STAG3: variants seen among roughly 807,000 people sequenced by gnomAD.
STAG3 encodes the protein STAG3 cohesin complex component, also known as cohesin subunit SA-3.
Under a neutral mutation model 160.7 loss-of-function variants are expected in STAG3, and 101 were observed. The observed-to-expected ratio is 0.63, with a 90% CI of 0.54 to 0.74. The LOEUF is 0.74. Ranked by LOEUF, STAG3 falls within the 30% of genes least tolerant of loss-of-function variation. The pLI, the probability that STAG3 is intolerant of heterozygous loss-of-function variation, is 0.00. For synonymous variants in STAG3, 519 were observed against 585.0 expected, an observed-to-expected ratio of 0.89 and a Z score of 1.63; for missense variants, 1,188 against 1,517.4, an observed-to-expected ratio of 0.78 and a Z score of 3.61.
chr7:100,193,945 T>TC (rs1800509559), intron 8 of STAG3, among the ~76,000 whole-genome samples: 1 of 150,200 alleles, frequency 6.7e-6, no homozygotes, highest in Non-Finnish European at 1.5e-5. Context: ...ATTTCTTTTT[T>TC]TTTTTTTTTT....
chr7:100,201,084 T>C lies in STAG3; in HGVS notation c.2062-6T>C. 6.2e-7 allele frequency: 1 copy of C among 1,614,168 alleles called. No homozygotes were observed. The highest frequency in any genetic ancestry group is 8.5e-7 in the Non-Finnish European group (1 of 1,180,032). ...AATGCTATTGTGGATCTTCTTTCCT[T>C]CTCAGTCGTCCTTCCTAGATGAGGA... On this transcript the variant is annotated splice_region_variant and splice_polypyrimidine_tract_variant and intron_variant, in intron 19 of 33. Transcript: ENST00000615138.
rs1186987289 is a variant in STAG3, at chr7:100,213,550, CAAG to C, written c.3601-181_3601-179del. 3.0e-6 allele frequency: 3 copies of C among 985,272 alleles called. No individual in the cohort carries two copies. The African/African-American group carries it at 5.2e-5, about 17-fold the overall frequency. 61.0% of individuals were successfully genotyped at this position (985,272 alleles called of 1,614,324 possible). ...CATTTAAGGGGCTCAGTCAGCAGGC[CAAG>C]AAGCGCTCTGCAGTCAGGCCTGATC... On this transcript the variant is annotated intron_variant, in intron 32 of 33. Transcript: ENST00000615138.
intron 14 of STAG3, 137 bp from the exon 15 acceptor site, chr7:100,199,125 A>C: frequency 1.2e-6 from 1 of 859,866 alleles, no homozygotes; most frequent in Non-Finnish European, 1.9e-6. Flanking sequence ...CCCTGTCTCT[A>C]TCGAAAAAAA....
Position 100,198,889 on chromosome 7 carries a change from C to G in STAG3, c.1399C>G (p.Gln467Glu). Residue 467 changes from glutamine (Q) to glutamate (E), a missense_variant, in exon 14 of 34, where the codon CAA becomes GAA. Physicochemically the swap from Gln to Glu is conservative, Grantham distance 29. Transcript: ENST00000615138. ...CEIRMMGGRE[Q>E]RQSPGAQRTF... ...GATAAGAATGATGGGTGGAAGAGAGCAACGCCAGAGCCCAGGCGCCCAGAG... is the reference window on the plus strand; with the variant it reads ...GATAAGAATGATGGGTGGAAGAGAGGAACGCCAGAGCCCAGGCGCCCAGAG... 6.2e-7 allele frequency: 1 copy of G among 1,612,238 alleles called. No homozygotes were observed. Among genetic ancestry groups the G allele is most frequent in the Non-Finnish European group, 8.5e-7 (1 of 1,180,022 alleles).
chr7:100,198,908 C>T lies in STAG3; in HGVS notation c.1418C>T (p.Ala473Val). The change falls in exon 14 of 34, where the codon GCC becomes GTC. Residue 473 changes from alanine (A) to valine (V), a missense_variant. Physicochemically the swap from Ala to Val is moderately conservative, Grantham distance 64. Coordinates refer to ENST00000615138, the MANE Select transcript of STAG3 (RefSeq NM_001282717.2). The stretch of plus-strand genomic sequence containing the variant: ...AGAGAGCAACGCCAGAGCCCAGGCG[C>T]CCAGAGGACTTTCTTCCAGCTTCTG... ...GGREQRQSPG[A>V]QRTFFQLLLS... 2.5e-6 allele frequency: 4 copies of T among 1,612,212 alleles called. No homozygotes were observed. Among genetic ancestry groups the T allele is most frequent in the Non-Finnish European group, 3.4e-6 (4 of 1,180,028 alleles).
At chr7:100,191,596 A>C (rs1323177172) in intron 8 of STAG3, among the ~76,000 whole-genome samples, 1 of 152,220 alleles carries the variant, frequency 6.6e-6, no homozygotes. Flanking sequence ...TTTTATTGCT[A>C]AAAAATGCTA....
chr7:100,208,596 A>G (rs1343125748), intron 29 of STAG3, among the ~76,000 whole-genome samples: 1 of 152,240 alleles, frequency 6.6e-6, no homozygotes, highest in Admixed American at 6.5e-5. Flanking sequence ...AGCAAAGCAT[A>G]GAAGGCTGTG....
Position 100,200,980 on chromosome 7 carries a change from G to A in STAG3, c.2061+11G>A, listed in dbSNP as rs538854901. On this transcript the variant is annotated intron_variant, in intron 19 of 33. Transcript: ENST00000615138. ...GAAGAGCTGTTACAGGTAGGAGCTG[G>A]GGCTGGACAATGGGACACCCCAAAC... The A allele has an allele frequency of 1.5e-4, 236 of 1,614,170 alleles. 1 individual carries two copies. In the South Asian group the frequency reaches 2.1e-3, roughly 15 times the overall value.
chr7:100,197,461 A>G (rs1356248374), intron 10 of STAG3, 182 bp downstream of exon 10: 1 of 871,486 alleles, frequency 1.1e-6, no homozygotes, highest in South Asian at 1.5e-5. Context: ...AGAGAGAGAC[A>G]TACCCAGGAG....
chr7:100,204,900 G>C (rs1801491340), intron 27 of STAG3, 105 bp from the exon 28 acceptor site: 1 of 1,575,298 alleles, frequency 6.3e-7, no homozygotes, highest in Admixed American at 1.7e-5. Flanking sequence ...TATGCCTTTG[G>C]AGACAAGCTG....
chr7:100,202,583 A>G lies in STAG3; in HGVS notation c.2693A>G (p.Tyr898Cys), dbSNP rs1801241080. 1.2e-6 allele frequency: 2 copies of G among 1,613,276 alleles called. No individual in the cohort carries two copies. Among genetic ancestry groups the G allele is most frequent in the Non-Finnish European group, 1.7e-6 (2 of 1,179,788 alleles). ...GCAGCCTCAGATGTTTTCAAACACTACAACAAGGTACACCAAGGCCCTACA... is the reference window on the plus strand; with the variant it reads ...GCAGCCTCAGATGTTTTCAAACACTGCAACAAGGTACACCAAGGCCCTACA... ...MDAASDVFKH[Y>C]NKFYNDYGDI... The change falls in exon 25 of 34, where the codon TAC becomes TGC. Residue 898 changes from tyrosine to cysteine, a missense_variant. Physicochemically the swap from Tyr to Cys is radical, Grantham distance 194 (BLOSUM62 -2). Around this residue, in one of 4 missense-constraint regions of STAG3, gnomAD observed 647 missense variants for 717.2 expected, o/e 0.90. Coordinates refer to ENST00000615138, the MANE Select transcript of STAG3 (RefSeq NM_001282717.2).
At chr7:100,208,612 G>GA (rs1049414584) in intron 29 of STAG3, among the ~76,000 whole-genome samples, 1 of 152,178 alleles carries the variant, frequency 6.6e-6, no homozygotes, top group Non-Finnish European at 1.5e-5. Flanking sequence ...CTGTGTGCTG[G>GA]GCGAAGCATG....
At chr7:100,198,242 G>A in intron 12 of STAG3, 76 bp downstream of exon 12, 1 of 1,424,714 alleles carries the variant, frequency 7.0e-7, no homozygotes, top group Non-Finnish European at 9.9e-7. Context: ...ACCTGTCATA[G>A]CTGACTCTTC....
At chr7:100,203,951 G>A (rs1801388985) in intron 25 of STAG3, 70 bp from the exon 26 acceptor site, 9 of 984,576 alleles carry the variant, frequency 9.1e-6, no homozygotes, top group Non-Finnish European at 9.8e-6. Context: ...CATGATTAGG[G>A]ATGTGAAGGA....
rs745648287 is a variant in STAG3, at chr7:100,189,415, ATTTC to A, written c.716-26_716-23del. 5.5e-5 allele frequency: 88 copies of A among 1,599,580 alleles called. No homozygotes were observed. The East Asian group carries it at 9.2e-4, about 17-fold the overall frequency. ...CCTCTCTCCTCTGACCTCAGTAATG[ATTTC>A]TTTATCTCTTTTTCCTTTCTCAAAG... On this transcript the variant is annotated intron_variant, in intron 7 of 33. Transcript: ENST00000615138.
chr7:100,200,226 C>T lies in STAG3; in HGVS notation c.1678-10C>T. ...ACACCTCCCCCACCCCCAAGTGACTCTCATTCCAGGGCTTAACCTCTAAGG... is the reference window on the plus strand; with the variant it reads ...ACACCTCCCCCACCCCCAAGTGACTTTCATTCCAGGGCTTAACCTCTAAGG... On this transcript the variant is annotated splice_polypyrimidine_tract_variant and intron_variant, in intron 16 of 33. Coordinates refer to ENST00000615138, the MANE Select transcript of STAG3 (RefSeq NM_001282717.2). 6.2e-7 allele frequency: 1 copy of T among 1,608,112 alleles called. No individual in the cohort carries two copies. The highest frequency in any genetic ancestry group is 2.2e-5 in the East Asian group (1 of 44,654).
At chr7:100,193,939 CTTTTTTTTTTTT>C (rs57044186) in intron 8 of STAG3, among the ~76,000 whole-genome samples, 1 of 121,976 alleles carries the variant, frequency 8.2e-6, no homozygotes, top group Non-Finnish European at 1.7e-5. Context: ...TTAATCATTT[CTTTTTTTTTTTT>C]TTTTTTTTCT....
At chr7:100,213,225 T>A in intron 32 of STAG3, 2 of 869,488 alleles carry the variant, frequency 2.3e-6, no homozygotes, top group Non-Finnish European at 2.8e-6. Context: ...CCCAATCACC[T>A]CCCAAAGGCC....
chr7:100,213,951 C>A (rs1802533632), intron 33 of STAG3, 56 bp from the exon 34 acceptor site: 1 of 1,613,812 alleles, frequency 6.2e-7, no homozygotes, highest in Admixed American at 1.7e-5. Flanking sequence ...GGAGGATGGT[C>A]TGCCCATTGG....
Sources: gnomAD v4.1 joint callset for allele counts (sites outside exome capture counted in the v4.1 genomes callset) on GRCh38, gnomAD v4.1.1 for gene constraint, gnomAD v4.1.1 regional missense constraint, MANE v1.5 for transcripts, NCBI Gene and HGNC (gene_info 2026-07-23, HGNC 2026-07-21) for gene names.